Variants in POLR1A observed in about 807,000 individuals in gnomAD.
POLR1A encodes the protein RNA polymerase I subunit A.
A neutral mutation model predicts 205.3 loss-of-function variants in POLR1A; 84 were observed. The ratio of observed to expected loss-of-function variants is 0.41; its 90% CI spans 0.34 to 0.49. The LOEUF (loss-of-function observed/expected upper bound fraction) is 0.49. POLR1A is among the 20% of genes least tolerant of loss of function. The pLI is 0.22. For synonymous variants in POLR1A, 799 were observed against 863.7 expected (o/e 0.93, Z 1.31); for missense variants, 1,645 against 2,204.5 (o/e 0.75, Z 5.08).
intron 22 of POLR1A, 31 bp downstream of exon 22, chr2:86,044,108 G>T: frequency 6.2e-7 from 1 of 1,611,036 alleles, no homozygotes. Flanking sequence ...CCTACTGCTC[G>T]GCCCCCAGGC....
rs367808487 is a variant in POLR1A, at chr2:86,099,938, G to A, written c.282+30C>T. The A allele has an allele frequency of 2.0e-3, 3,204 of 1,586,836 alleles. 49 individuals carry two copies. The South Asian group carries it at 0.022, about 11-fold the overall frequency. On this transcript the variant is annotated intron_variant, in intron 2 of 33. Transcript: ENST00000263857. ...CACTCACAAATCCCACCAGCAGCCC[G>A]GAGACCCACACAACTAAGGCAGCAC...
chr2:86,052,380 A>C lies in POLR1A; in HGVS notation c.2392+437T>G, dbSNP rs538190607. On this transcript the variant is annotated intron_variant, in intron 16 of 33. Coordinates refer to ENST00000263857, the MANE Select transcript of POLR1A (RefSeq NM_015425.6). The stretch of plus-strand genomic sequence containing the variant: ...AATCAGTCCGAGGACAGAAACCTGT[A>C]AAGGGAGGGGTTAGGAAAGAAACAG... 7.9e-5 allele frequency among the ~76,000 whole-genome samples: 12 copies of C among 152,290 alleles called. No individual in the cohort carries two copies. In the South Asian group the frequency reaches 2.5e-3, roughly 32 times the overall value.
At chr2:86,068,386 C>CGGGGGGGGGGGGGG (rs543719645) in intron 13 of POLR1A, among the ~76,000 whole-genome samples, 1 of 12,240 alleles carries the variant, frequency 8.2e-5, no homozygotes, top group African/African-American at 4.5e-4. Flanking sequence ...AGCACATGGG[C>CGGGGGGGGGGGGGG]GGGGGGGGGG....
At position 86,095,869 on chromosome 2, in the gene POLR1A, A is replaced by G. The variant is rs191523816; in HGVS notation, c.432+2742T>C. ...CAGCCTCCGGAGTAGCTGGGACTAC[A>G]GGCGCCTGCCACCACCCCCAGCTAA... is the stretch of plus-strand genomic sequence containing the variant. On this transcript the variant is annotated intron_variant, in intron 3 of 33. Coordinates refer to ENST00000263857, the MANE Select transcript of POLR1A (RefSeq NM_015425.6). Among the ~76,000 whole-genome samples the G allele has an allele frequency of 1.5e-3, 222 of 152,012 alleles. 5 individuals carry two copies. In the East Asian group the frequency reaches 0.041, roughly 28 times the overall value.
rs11127012 is a variant in POLR1A at position 86,028,974 on chromosome 2, G to A, written c.4780-263C>T. Among the ~76,000 whole-genome samples the A allele has an allele frequency of 0.35, 53,411 of 152,118 alleles. 14,300 individuals are homozygous for A. Among genetic ancestry groups the A allele is most frequent in the African/African-American group, 0.76 (31,370 of 41,490 alleles). On this transcript the variant is annotated intron_variant, in intron 31 of 33. Coordinates refer to ENST00000263857, the MANE Select transcript of POLR1A (RefSeq NM_015425.6). This position sits in a 1 kb window ranked among gnomAD's most constrained non-coding sequence, Gnocchi z 4.5. ...ACTTTGGACACGCTTTAGATTCAAT[G>A]GGAAGAAAAGGATTTTTTCTTCTTA...
intron 30 of POLR1A, 51 bp from the exon 31 acceptor site, chr2:86,030,447 A>G: frequency 7.5e-7 from 1 of 1,336,002 alleles, no homozygotes; most frequent in Non-Finnish European, 1.1e-6. Context: ...CAGTCCCCAC[A>G]AAGAGGACTG....
At chr2:86,072,444 C>T (rs897931599) in intron 12 of POLR1A, among the ~76,000 whole-genome samples, 8 of 152,244 alleles carry the variant, frequency 5.3e-5, no homozygotes, top group African/African-American at 1.9e-4. Context: ...TTTGAGACAT[C>T]CTCCAGCGTA....
At chr2:86,037,897 C>T (rs991723785) in intron 27 of POLR1A, among the ~76,000 whole-genome samples, 4 of 152,200 alleles carry the variant, frequency 2.6e-5, no homozygotes, top group Non-Finnish European at 5.9e-5. Context: ...AACAGGTGCC[C>T]CTTGAGACAG....
chr2:86,060,353 G>A (rs962722046), intron 14 of POLR1A, among the ~76,000 whole-genome samples: 1 of 151,684 alleles, frequency 6.6e-6, no homozygotes, highest in Non-Finnish European at 1.5e-5. Flanking sequence ...CCCCAAAATA[G>A]TTGACAGTCT....
At chr2:86,068,366 C>T (rs1029071721) in intron 13 of POLR1A, among the ~76,000 whole-genome samples, 2 of 122,946 alleles carry the variant, frequency 1.6e-5, no homozygotes, top group African/African-American at 3.3e-5. Context: ...GCTAAGAACA[C>T]GCACAGCCAA....
At position 86,031,380 on chromosome 2, in the gene POLR1A, G is replaced by A. The variant is rs761491319; in HGVS notation, c.4528C>T (p.Pro1510Ser). The A allele has an allele frequency of 3.6e-5, 57 of 1,604,306 alleles. No homozygotes were observed. In the Admixed American group the frequency reaches 9.5e-4, roughly 27 times the overall value. Residue 1510 changes from proline (P) to serine (S), a missense_variant, in exon 30 of 34, where the codon CCG (proline) becomes TCG (serine). Transcript: ENST00000263857. ...TCGTACTGGTAGTCATCTATGAACG[G>A]GTGGATCTCACGCACAGCCTGGACC... ...RRVQAVREIH[P>S]FIDDYQYDTE...
At position 86,089,838 on chromosome 2, in the gene POLR1A, C is replaced by G; in HGVS notation, c.524G>C (p.Gly175Ala). 6.2e-7 allele frequency: 1 copy of G among 1,607,252 alleles called. No homozygotes were observed. Among genetic ancestry groups the G allele is most frequent in the African/African-American group, 1.3e-5 (1 of 74,938 alleles). Residue 175 changes from glycine to alanine, a missense_variant, in exon 4 of 34, where the codon GGG becomes GCG. Physicochemically the swap from Gly to Ala is moderately conservative, Grantham distance 60 (BLOSUM62 0). This residue lies in a region of POLR1A where 330 missense variants were observed against 375.6 expected (regional missense o/e 0.88). Coordinates refer to ENST00000263857, the MANE Select transcript of POLR1A (RefSeq NM_015425.6). ...TTEIVQNNLL[G>A]SQGAHVKNVC... is the part of the protein sequence containing the mutation. ...TTAACTCACATGTGCGCCCTGGGAC[C>G]CCAGGAGGTTGTTCTGCACAATTTC...
intron 23 of POLR1A, among the ~76,000 whole-genome samples, chr2:86,042,323 C>A (rs896625059): frequency 2.0e-5 from 3 of 152,126 alleles, no homozygotes; most frequent in Middle Eastern, 3.2e-3. Flanking sequence ...CCATTCAAGC[C>A]CAGGGAGGGC....
intron 22 of POLR1A, 44 bp from the exon 23 acceptor site, chr2:86,043,239 G>A (rs1672650596): frequency 6.7e-7 from 1 of 1,481,484 alleles, no homozygotes; most frequent in Admixed American, 1.7e-5. Flanking sequence ...TCACACACAT[G>A]AGATCAAAGA....
At chr2:86,062,566 C>A (rs1673015917) in intron 14 of POLR1A, among the ~76,000 whole-genome samples, 2 of 150,388 alleles carry the variant, frequency 1.3e-5, no homozygotes, top group Non-Finnish European at 3.0e-5. Flanking sequence ...TTAAGCAGAA[C>A]TTAAGGGGGA....
intron 11 of POLR1A, among the ~76,000 whole-genome samples, chr2:86,076,128 CA>C (rs1673279172): frequency 6.6e-6 from 1 of 152,220 alleles, no homozygotes; most frequent in Non-Finnish European, 1.5e-5. Context: ...GGATACGCTC[CA>C]AGTAAAACAA....
chr2:86,096,186 T>A (rs1362816594), intron 3 of POLR1A, among the ~76,000 whole-genome samples: 1 of 152,120 alleles, frequency 6.6e-6, no homozygotes, highest in Non-Finnish European at 1.5e-5. Flanking sequence ...ATCCCGTTTA[T>A]AATAGCTACC....
In POLR1A at chr2:86,049,055, C is replaced by CAGCGG. The variant is rs756586812; in HGVS notation, c.2476-14_2476-13insCCGCT. 4 of 1,614,178 alleles carry CAGCGG rather than the reference C, an allele frequency of 2.5e-6. No homozygotes were observed. In the South Asian group the frequency reaches 4.4e-5, roughly 18 times the overall value. On this transcript the variant is annotated splice_polypyrimidine_tract_variant and intron_variant, in intron 17 of 33. Transcript: ENST00000263857. ...CAGCCCTGACAGCCTAGAATGAGAA[C>CAGCGG]AGAAACACAGCGGAGGCTGAGGCCA...
At position 86,033,735 on chromosome 2, in the gene POLR1A, C is replaced by T. The variant is rs1672442895; in HGVS notation, c.4087G>A (p.Ala1363Thr). 1 of 1,613,900 alleles carries T rather than the reference C, an allele frequency of 6.2e-7. No individual in the cohort carries two copies. Among genetic ancestry groups the T allele is most frequent in the Non-Finnish European group, 8.5e-7 (1 of 1,179,990 alleles). ...CTTCGAGTGTTTACGTTCCTGAAAGCTGATGCTTTATTATTCTTCTTTTTG... is the reference window on the plus strand; with the variant it reads ...CTTCGAGTGTTTACGTTCCTGAAAGTTGATGCTTTATTATTCTTCTTTTTG... ...SIKKKNNKAS[A>T]FRNVNTRRAT... Residue 1363 changes from alanine (A) to threonine (T), a missense_variant, in exon 28 of 34, where the codon GCT becomes ACT. This residue lies in a region of POLR1A where 394 missense variants were observed against 468.5 expected (regional missense o/e 0.84). Coordinates refer to ENST00000263857, the MANE Select transcript of POLR1A (RefSeq NM_015425.6).
Sources: gnomAD v4.1 joint callset for allele counts (sites outside exome capture counted in the v4.1 genomes callset) on GRCh38, gnomAD v4.1.1 for gene constraint, gnomAD v4.1.1 regional missense constraint, Gnocchi (gnomAD v3.1) non-coding constraint, MANE v1.5 for transcripts, NCBI Gene and HGNC (gene_info 2026-07-23, HGNC 2026-07-21) for gene names.